Variants in LRRK1 observed in about 807,000 individuals in gnomAD.
LRRK1 encodes leucine rich repeat kinase 1.
LRRK1 carries 113 observed loss-of-function variants against 209.1 expected under a neutral mutation model. The ratio of observed to expected loss-of-function variants is 0.54; its 90% confidence interval spans 0.46 to 0.63. The LOEUF is 0.63. LRRK1 is among the 30% of genes least tolerant of loss of function. LRRK1 has a pLI of 0.00. For synonymous variants in LRRK1, 1,144 were observed against 1,099.7 expected, an observed-to-expected ratio of 1.04 and a Z score of -0.80; for missense variants, 2,284 against 2,632.2, an observed-to-expected ratio of 0.87 and a Z score of 2.89.
rs1461698652 is a variant in LRRK1 at position 101,022,875 on chromosome 15, A to G, written c.2067+278A>G. Among the ~76,000 whole-genome samples, 1 of 150,720 alleles carries G rather than the reference A, an allele frequency of 6.6e-6. No individual in the cohort carries two copies. Among genetic ancestry groups the G allele is most frequent in the Non-Finnish European group, 1.5e-5 (1 of 67,704 alleles). On this transcript the variant is annotated intron_variant, in intron 15 of 33. Coordinates refer to ENST00000388948, the MANE Select transcript of LRRK1 (RefSeq NM_024652.6). This position sits in a 1 kb window ranked among gnomAD's most constrained non-coding sequence, Gnocchi z 4.0. ...GTCTCTCAGGCTGGATGCATCCTCA[A>G]CCTCCCCAGCTTAAATGATCCACCT... is the stretch of plus-strand genomic sequence containing the variant.
chr15:101,053,231 C>CT lies in LRRK1; in HGVS notation c.3866dup (p.Arg1290GlufsTer97). 1 of 1,605,646 alleles carries CT rather than the reference C, an allele frequency of 6.2e-7. No homozygotes were observed. Among genetic ancestry groups the CT allele is most frequent in the East Asian group, 2.2e-5 (1 of 44,874 alleles). On this transcript the variant is annotated frameshift_variant, in exon 26 of 34. Transcript: ENST00000388948. LOFTEE classifies it high-confidence loss of function. ...TGCGCTGTCCCTGGCAGACACCATG[C>CT]TGAGGCACCTGCGGGCCACCGATGC...
intron 2 of LRRK1, among the ~76,000 whole-genome samples, chr15:100,931,369 C>A (rs756963577): frequency 6.6e-6 from 1 of 152,156 alleles, no homozygotes; most frequent in African/African-American, 2.4e-5. Context: ...AAATAACTTA[C>A]GTGACACTTT....
In LRRK1 at chr15:101,061,307, C is replaced by T. The variant is rs776189888; in HGVS notation, c.4797+19C>T. On this transcript the variant is annotated intron_variant, in intron 30 of 33. Transcript: ENST00000388948. ...CACCGAGGTAAGCACTGCCCGCAGG[C>T]CTGCCCACCGAGGTAAGCACTGCCC... The T allele has an allele frequency of 5.1e-6, 8 of 1,568,858 alleles. No individual in the cohort carries two copies. Among genetic ancestry groups the T allele is most frequent in the African/African-American group, 2.7e-5 (2 of 73,854 alleles).
At chr15:101,046,509 T>C (rs543730224) in intron 21 of LRRK1, among the ~76,000 whole-genome samples, 2 of 152,204 alleles carry the variant, frequency 1.3e-5, no homozygotes, top group Non-Finnish European at 2.9e-5. Context: ...TTCACATTTC[T>C]ATCCATTCCC....
chr15:100,994,974 C>A (rs917383092), intron 6 of LRRK1, among the ~76,000 whole-genome samples: 7 of 152,132 alleles, frequency 4.6e-5, no homozygotes, highest in Non-Finnish European at 1.0e-4. Context: ...GAATATTACA[C>A]AAGGGTAGGT....
Position 101,077,517 on chromosome 15 carries a change from G to C in LRRK1, c.*8669G>C, listed in dbSNP as rs559196664. On this transcript the variant is annotated 3_prime_UTR_variant, in exon 34 of 34. Coordinates refer to ENST00000388948, the MANE Select transcript of LRRK1 (RefSeq NM_024652.6). ...ATGTCCTGAGTCATCTCAATTCTTA[G>C]ACCTTTTATACCTGTTTTTCTCCTT... 1 of 152,240 alleles carries C rather than the reference G, an allele frequency of 6.6e-6. No homozygotes were observed. Among genetic ancestry groups the C allele is most frequent in the African/African-American group, 2.4e-5 (1 of 41,516 alleles). The allele number at this position is 152,240 out of a possible 1,614,324, so 9.4% of individuals were successfully genotyped here.
chr15:101,048,759 T>G, intron 22 of LRRK1, 102 bp downstream of exon 22: 1 of 1,049,180 alleles, frequency 9.5e-7, no homozygotes, highest in Non-Finnish European at 1.3e-6. Context: ...GTCCAGAATT[T>G]TGCTCGTGAG....
rs1173687269 is a variant in LRRK1 at position 100,989,181 on chromosome 15, A to T, written c.614-69A>T. 1.3e-5 allele frequency: 17 copies of T among 1,327,814 alleles called. No individual in the cohort carries two copies. In the South Asian group the frequency reaches 1.6e-4, roughly 13 times the overall value. The allele number at this position is 1,327,814 out of a possible 1,614,324, so 82.3% of individuals were successfully genotyped here. The stretch of plus-strand genomic sequence containing the variant: ...TTTCAGTTTCCATTCCACATATCAG[A>T]GTCTGCCCTTCCAACGACTGTGACA... On this transcript the variant is annotated intron_variant, in intron 5 of 33. Transcript: ENST00000388948.
intron 2 of LRRK1, among the ~76,000 whole-genome samples, chr15:100,957,944 C>T (rs2042798465): frequency 1.3e-5 from 2 of 152,338 alleles, no homozygotes; most frequent in South Asian, 4.1e-4. Context: ...CTGCTCACTG[C>T]AACCTCCGCC....
intron 19 of LRRK1, 120 bp from the exon 20 acceptor site, chr15:101,028,836 C>T: frequency 1.9e-6 from 2 of 1,073,062 alleles, no homozygotes; most frequent in Non-Finnish European, 2.7e-6. Flanking sequence ...GCATGTGGGA[C>T]ATGTTGGTTT....
chr15:100,982,139 C>T (rs1217852550), intron 3 of LRRK1, among the ~76,000 whole-genome samples: 2 of 151,222 alleles, frequency 1.3e-5, no homozygotes, highest in African/African-American at 4.9e-5. Context: ...GGGGGGCACT[C>T]GCCATCCCTG....
chr15:101,018,809 T>A (rs947602978), intron 12 of LRRK1, among the ~76,000 whole-genome samples: 1 of 152,204 alleles, frequency 6.6e-6, no homozygotes, highest in African/African-American at 2.4e-5. Flanking sequence ...TCTAGAAAGT[T>A]GAGGCCCACA....
At chr15:101,029,288 T>C in intron 20 of LRRK1, 56 bp downstream of exon 20, 1 of 1,526,484 alleles carries the variant, frequency 6.6e-7, no homozygotes, top group South Asian at 1.3e-5. Flanking sequence ...AAAGAGGGAG[T>C]TGGGGTCTGG....
intron 2 of LRRK1, among the ~76,000 whole-genome samples, chr15:100,935,117 G>T (rs1006053389): frequency 1.3e-5 from 2 of 152,196 alleles, no homozygotes; most frequent in Non-Finnish European, 2.9e-5. Flanking sequence ...GCTCTGGGAA[G>T]CCAGGAAAAT....
intron 6 of LRRK1, among the ~76,000 whole-genome samples, chr15:100,994,836 G>C (rs2032326258): frequency 6.6e-6 from 1 of 152,188 alleles, no homozygotes; most frequent in Non-Finnish European, 1.5e-5. Context: ...GCTGCTGGCA[G>C]AAGAGAACAG....
At chr15:100,972,881 C>G (rs1009854334) in intron 2 of LRRK1, among the ~76,000 whole-genome samples, 1 of 151,238 alleles carries the variant, frequency 6.6e-6, no homozygotes, top group Non-Finnish European at 1.5e-5. Flanking sequence ...CTTTGGAAAT[C>G]TGGTAGAAGC....
At chr15:100,966,793 C>T (rs1235672885) in intron 2 of LRRK1, among the ~76,000 whole-genome samples, 1 of 152,170 alleles carries the variant, frequency 6.6e-6, no homozygotes, top group Admixed American at 6.5e-5. Context: ...GAAAACTGAG[C>T]AGGTTCTAGA....
intron 2 of LRRK1, among the ~76,000 whole-genome samples, chr15:100,971,314 G>A (rs2030867336): frequency 7.2e-6 from 1 of 139,208 alleles, no homozygotes; most frequent in African/African-American, 2.7e-5. Flanking sequence ...AGCCTTGGAA[G>A]CAGAGTGAAA....
At position 101,066,670 on chromosome 15, in the gene LRRK1, G is replaced by A. The variant is rs760914717; in HGVS notation, c.5799G>A (p.Leu1933=). 31 of 1,614,106 alleles carry A rather than the reference G, an allele frequency of 1.9e-5. No homozygotes were observed. The East Asian group carries it at 6.7e-4, about 35-fold the overall frequency. Residue 1933 remains leucine (L), a synonymous_variant, in exon 33 of 34, where the codon CTG becomes CTA. Transcript: ENST00000388948. ...GTGGAGATGTTATCGTCATTGGCCT[G>A]GAGAAGGATTCTGGCGCCCAGCGGG... ...RRGGDVIVIG[L]EKDSGAQRGR...
Sources: gnomAD v4.1 joint callset for allele counts (sites outside exome capture counted in the v4.1 genomes callset) on GRCh38, gnomAD v4.1.1 for gene constraint, Gnocchi (gnomAD v3.1) non-coding constraint, MANE v1.5 for transcripts, NCBI Gene and HGNC (gene_info 2026-07-23, HGNC 2026-07-21) for gene names.